Variants in HIVEP2 observed in about 807,000 individuals in gnomAD.
HIVEP2 encodes transcription factor HIVEP2.
In HIVEP2, 14 loss-of-function variants were observed where a neutral mutation model predicts 180.7. The ratio of observed to expected loss-of-function variants is 0.08; its 90% CI spans 0.05 to 0.12. The LOEUF (loss-of-function observed/expected upper bound fraction) is 0.12, where lower values mean the gene tolerates loss of function less well. Ranked by LOEUF, HIVEP2 falls within the 10% of genes least tolerant of loss-of-function variation. HIVEP2 has a pLI of 1.00. For missense variants in HIVEP2, 2,579 were observed against 3,008.5 expected (o/e 0.86, Z 3.34); for synonymous variants, 1,184 against 1,136.4 (o/e 1.04, Z -0.84).
At chr6:142,856,599 G>A (rs568799109) in intron 1 of HIVEP2, among the ~76,000 whole-genome samples, 4 of 152,350 alleles carry the variant, frequency 2.6e-5, no homozygotes, top group East Asian at 3.9e-4. Context: ...AAAGAGAAGC[G>A]TGAGTAATTT....
intron 1 of HIVEP2, among the ~76,000 whole-genome samples, chr6:142,892,721 T>A (rs563979328): frequency 1.7e-4 from 26 of 152,336 alleles, no homozygotes; most frequent in African/African-American, 6.3e-4. Context: ...CAATACTGAA[T>A]AACACACAAT....
chr6:142,926,735 G>A lies in HIVEP2; in HGVS notation c.-641+18364C>T, dbSNP rs565087117. Among the ~76,000 whole-genome samples, 9 of 152,298 alleles carry A rather than the reference G, an allele frequency of 5.9e-5. No homozygotes were observed. The South Asian group carries it at 1.9e-3, about 32-fold the overall frequency. ...GCACCGTGGAGTCCCCCGACACGCTGGGGCCAGTGAACCCGGGCCGGGGCG... is the reference window on the plus strand; with the variant it reads ...GCACCGTGGAGTCCCCCGACACGCTAGGGCCAGTGAACCCGGGCCGGGGCG... On this transcript the variant is annotated intron_variant, in intron 1 of 9. Transcript: ENST00000367603.
intron 1 of HIVEP2, among the ~76,000 whole-genome samples, chr6:142,873,497 T>A (rs891987306): frequency 1.3e-5 from 2 of 152,230 alleles, no homozygotes; most frequent in Non-Finnish European, 2.9e-5. Context: ...GAAGTGTCTT[T>A]TATGTTATTA....
rs761392909 is a variant in HIVEP2, at chr6:142,774,746, C to T, written c.-8G>A. 3 of 1,612,390 alleles carry T rather than the reference C, an allele frequency of 1.9e-6. No individual in the cohort carries two copies. The highest frequency in any genetic ancestry group is 2.5e-6 in the Non-Finnish European group (3 of 1,179,062). On this transcript the variant is annotated 5_prime_UTR_variant, in exon 5 of 10. Transcript: ENST00000367603. The surrounding 1 kb of genome is among the most constrained non-coding windows in gnomAD (Gnocchi z 5.1). ...TGTGTCCCCAGTGTCCATTTTGTTA[C>T]ACAAGGTCTTAAGTGCTAGTTCCCC... is the stretch of plus-strand genomic sequence containing the variant.
chr6:142,877,101 C>T (rs746679201), intron 1 of HIVEP2, among the ~76,000 whole-genome samples: 6 of 152,106 alleles, frequency 3.9e-5, no homozygotes, highest in Non-Finnish European at 7.4e-5. Context: ...ACAGTTTCTA[C>T]AAAAGTATCA....
intron 1 of HIVEP2, among the ~76,000 whole-genome samples, chr6:142,889,882 A>AT (rs1776811528): frequency 1.3e-5 from 2 of 152,222 alleles, no homozygotes; most frequent in African/African-American, 4.8e-5. Context: ...GACACTTGAA[A>AT]TGTGGCTAGT....
chr6:142,856,252 G>GTACCACTTTAATATC (rs1775818954), intron 1 of HIVEP2, among the ~76,000 whole-genome samples: 1 of 151,144 alleles, frequency 6.6e-6, no homozygotes. Flanking sequence ...TCCACCTACT[G>GTACCACTTTAATATC]CACCACTTTA....
At chr6:142,841,093 T>C (rs1296497805) in intron 1 of HIVEP2, among the ~76,000 whole-genome samples, 2 of 152,132 alleles carry the variant, frequency 1.3e-5, no homozygotes, top group Admixed American at 1.3e-4. Context: ...TCTTATGAAC[T>C]TAAATGACCC....
In HIVEP2 at chr6:142,768,677, C is replaced by T. The variant is rs1025006090; in HGVS notation, c.5188-141G>A. ...GGAACTAGTTATATAAAATAAGGAC[C>T]ACTAGGGATAAAATCAGATAAGAAT... On this transcript the variant is annotated intron_variant, in intron 5 of 9. Coordinates refer to ENST00000367603, the MANE Select transcript of HIVEP2 (RefSeq NM_006734.4). The T allele has an allele frequency of 4.0e-5, 28 of 705,472 alleles. No homozygotes were observed. In the South Asian group the frequency reaches 5.2e-4, roughly 13 times the overall value. 43.7% of individuals were successfully genotyped at this position (705,472 alleles called of 1,614,324 possible).
chr6:142,900,839 T>A (rs1471308270), intron 1 of HIVEP2, among the ~76,000 whole-genome samples: 1 of 152,078 alleles, frequency 6.6e-6, no homozygotes, highest in Non-Finnish European at 1.5e-5. Flanking sequence ...GGGTTGAGGT[T>A]TTTCCCCCCA....
At position 142,753,561 on chromosome 6, in the gene HIVEP2, G is replaced by A; in HGVS notation, c.6887C>T (p.Pro2296Leu). The A allele has an allele frequency of 6.2e-7, 1 of 1,614,192 alleles. No homozygotes were observed. Among genetic ancestry groups the A allele is most frequent in the Non-Finnish European group, 8.5e-7 (1 of 1,180,016 alleles). Residue 2296 changes from proline to leucine, a missense_variant, in exon 10 of 10, where the codon CCT becomes CTT. Physicochemically the swap from Pro to Leu is moderately conservative, Grantham distance 98. Transcript: ENST00000367603. ...GPHALQSSGP[P>L]STPSSPRLLM... ...CAGCCGAGGAGAGGAGGGAGTGCTA[G>A]GTGGACCAGATGACTGCAAAGCGTG... is the stretch of plus-strand genomic sequence containing the variant.
intron 2 of HIVEP2, among the ~76,000 whole-genome samples, chr6:142,816,873 GGTGTGTGTGTGT>G (rs34958624): frequency 6.7e-6 from 1 of 148,474 alleles, no homozygotes; most frequent in Non-Finnish European, 1.5e-5. Flanking sequence ...AGCACCAGAG[GGTGTGTGTGTGT>G]GTGTGTGTGT....
intron 2 of HIVEP2, among the ~76,000 whole-genome samples, chr6:142,825,313 C>T (rs913884104): frequency 8.8e-5 from 13 of 147,688 alleles, no homozygotes; most frequent in African/African-American, 3.3e-4. Context: ...CACACACACA[C>T]ATCACATACC....
intron 2 of HIVEP2, among the ~76,000 whole-genome samples, chr6:142,818,529 C>A (rs761583218): frequency 6.6e-6 from 1 of 151,480 alleles, no homozygotes; most frequent in Non-Finnish European, 1.5e-5. Flanking sequence ...ATTAGCCAGG[C>A]GTGGTGGCAT....
intron 1 of HIVEP2, among the ~76,000 whole-genome samples, chr6:142,940,226 C>A (rs191487357): frequency 2.4e-4 from 36 of 152,222 alleles, no homozygotes; most frequent in African/African-American, 8.7e-4. Flanking sequence ...ATGATGCTGG[C>A]TATTTTTGTT....
chr6:142,936,002 A>C (rs1562297951), intron 1 of HIVEP2, among the ~76,000 whole-genome samples: 1 of 151,750 alleles, frequency 6.6e-6, no homozygotes, highest in Admixed American at 6.6e-5. Context: ...AGTCCCAGCT[A>C]CTCAGGGGAC....
intron 2 of HIVEP2, among the ~76,000 whole-genome samples, chr6:142,807,580 A>G (rs185782325): frequency 1.1e-4 from 17 of 151,608 alleles, no homozygotes; most frequent in African/African-American, 4.1e-4. Flanking sequence ...AAAGCACCCC[A>G]AACGCCTTAA....
intron 1 of HIVEP2, among the ~76,000 whole-genome samples, chr6:142,875,592 A>G (rs1014247209): frequency 3.3e-5 from 5 of 152,230 alleles, no homozygotes; most frequent in Admixed American, 6.5e-5. Flanking sequence ...GTAAGAAGAC[A>G]TAACATTCAG....
At chr6:142,918,076 C>G (rs547394838) in intron 1 of HIVEP2, among the ~76,000 whole-genome samples, 1 of 151,968 alleles carries the variant, frequency 6.6e-6, no homozygotes, top group East Asian at 1.9e-4. Context: ...CCCGGAGCGT[C>G]TGTAATTTTA....
Sources: gnomAD v4.1 joint callset for allele counts (sites outside exome capture counted in the v4.1 genomes callset) on GRCh38, gnomAD v4.1.1 for gene constraint, Gnocchi (gnomAD v3.1) non-coding constraint, MANE v1.5 for transcripts, NCBI Gene and HGNC (gene_info 2026-07-23, HGNC 2026-07-21) for gene names.